The following HS3ST5 variants were observed in gnomAD, a reference collection of about 807,000 sequenced individuals.
HS3ST5 encodes heparan sulfate-glucosamine 3-sulfotransferase 5.
HS3ST5 carries 10 observed loss-of-function variants against 25.4 expected under a neutral mutation model. The observed-to-expected ratio is 0.39, with a 90% CI of 0.24 to 0.67. The LOEUF is 0.67. Ranked by LOEUF, HS3ST5 falls within the 30% of genes least tolerant of loss-of-function variation. The probability of loss-of-function intolerance (pLI) is 0.44; values close to 1 mark genes in which losing one functional copy is unlikely to be tolerated. For missense variants in HS3ST5, 324 were observed against 420.7 expected, an observed-to-expected ratio of 0.77 and a Z score of 2.01; for synonymous variants, 170 against 162.4, an observed-to-expected ratio of 1.05 and a Z score of -0.36.
At chr6:114,214,783 G>A (rs183612899) in intron 2 of HS3ST5, among the ~76,000 whole-genome samples, 1 of 152,234 alleles carries the variant, frequency 6.6e-6, no homozygotes, top group African/African-American at 2.4e-5. Context: ...AATCACTGAT[G>A]CTTCCAACTC....
At chr6:114,254,983 A>T (rs529325987) in intron 1 of HS3ST5, among the ~76,000 whole-genome samples, 15 of 152,322 alleles carry the variant, frequency 9.8e-5, no homozygotes, top group African/African-American at 3.6e-4. Flanking sequence ...ATGCCTTCCC[A>T]ACAGTCCCCC....
At chr6:114,299,578 A>G (rs1441834342) in intron 1 of HS3ST5, among the ~76,000 whole-genome samples, 2 of 152,072 alleles carry the variant, frequency 1.3e-5, no homozygotes, top group African/African-American at 4.8e-5. Context: ...CAGCTTCGAA[A>G]TTTCTCTCTT....
intron 3 of HS3ST5, among the ~76,000 whole-genome samples, chr6:114,166,093 C>T (rs940754363): frequency 6.6e-6 from 1 of 152,006 alleles, no homozygotes; most frequent in African/African-American, 2.4e-5. Context: ...CAAAACTGCT[C>T]ATCCTTCTAA....
chr6:114,246,775 T>A (rs1442666674), intron 1 of HS3ST5, among the ~76,000 whole-genome samples: 1 of 152,220 alleles, frequency 6.6e-6, no homozygotes, highest in Non-Finnish European at 1.5e-5. Context: ...CAACTTGTAG[T>A]CACCGAAAAG....
At chr6:114,060,052 TG>T (rs1245482021) in intron 4 of HS3ST5, among the ~76,000 whole-genome samples, 3 of 152,246 alleles carry the variant, frequency 2.0e-5, no homozygotes, top group Non-Finnish European at 4.4e-5. Flanking sequence ...CTTGGTCTGT[TG>T]CCTAGGCTGC....
intron 2 of HS3ST5, among the ~76,000 whole-genome samples, chr6:114,194,727 C>T (rs1447650181): frequency 1.3e-5 from 2 of 152,190 alleles, no homozygotes; most frequent in East Asian, 3.9e-4. Context: ...AATTTTAGAA[C>T]ATGGGTCCCA....
chr6:114,279,768 T>C (rs187408537), intron 1 of HS3ST5, among the ~76,000 whole-genome samples: 170 of 152,106 alleles, frequency 1.1e-3, no homozygotes, highest in Middle Eastern at 6.8e-3. Flanking sequence ...GAGGAAGGGC[T>C]ACCTTCCAGA....
chr6:114,170,566 C>T (rs771892274), intron 2 of HS3ST5, among the ~76,000 whole-genome samples: 1 of 152,172 alleles, frequency 6.6e-6, no homozygotes, highest in Non-Finnish European at 1.5e-5. Context: ...ATAGTAAATA[C>T]TGTTTCGGAT....
At chr6:114,287,080 A>C (rs1774371852) in intron 1 of HS3ST5, among the ~76,000 whole-genome samples, 1 of 152,022 alleles carries the variant, frequency 6.6e-6, no homozygotes, top group Admixed American at 6.6e-5. Flanking sequence ...TGAATAACAT[A>C]ACCTTTATTC....
At chr6:114,340,083 G>C (rs1429833268) in intron 1 of HS3ST5, among the ~76,000 whole-genome samples, 1 of 152,118 alleles carries the variant, frequency 6.6e-6, no homozygotes, top group Admixed American at 6.5e-5. Context: ...TGAGTAAGAA[G>C]GTTATTCATT....
intron 3 of HS3ST5, among the ~76,000 whole-genome samples, chr6:114,133,062 C>T (rs943757618): frequency 4.6e-5 from 7 of 152,166 alleles, no homozygotes; most frequent in Admixed American, 4.6e-4. Context: ...TCATCCTCCT[C>T]TTACCCCCTA....
chr6:114,335,307 CA>C (rs60574979), intron 1 of HS3ST5, among the ~76,000 whole-genome samples: 13,655 of 128,316 alleles, frequency 0.11, 1,601 homozygotes, highest in African/African-American at 0.31. Flanking sequence ...AAATGAGTGG[CA>C]AAAAAAAAAA....
intron 3 of HS3ST5, among the ~76,000 whole-genome samples, chr6:114,157,098 C>A (rs892800004): frequency 6.6e-6 from 1 of 152,158 alleles, no homozygotes; most frequent in Non-Finnish European, 1.5e-5. Context: ...ACCTTCTCTT[C>A]CTTCTGCATC....
intron 2 of HS3ST5, among the ~76,000 whole-genome samples, chr6:114,202,247 C>G (rs567224713): frequency 1.3e-5 from 2 of 152,146 alleles, no homozygotes; most frequent in African/African-American, 4.8e-5. Flanking sequence ...CAGCCAAGAC[C>G]TCGTCTCTAT....
intron 1 of HS3ST5, among the ~76,000 whole-genome samples, chr6:114,277,497 C>T (rs929911031): frequency 2.0e-5 from 3 of 149,044 alleles, no homozygotes; most frequent in African/African-American, 7.3e-5. Context: ...AGAAGTTATA[C>T]AGACAGTAAC....
At chr6:114,085,792 T>G (rs1026684607) in intron 3 of HS3ST5, among the ~76,000 whole-genome samples, 1 of 152,204 alleles carries the variant, frequency 6.6e-6, no homozygotes, top group Non-Finnish European at 1.5e-5. Context: ...TAGACATATA[T>G]TTTAAATATT....
intron 3 of HS3ST5, among the ~76,000 whole-genome samples, chr6:114,121,069 A>G (rs1401205777): frequency 1.3e-5 from 2 of 152,250 alleles, no homozygotes; most frequent in Non-Finnish European, 2.9e-5. Context: ...CCAAATATTA[A>G]TGTACATTTG....
At chr6:114,321,695 G>T (rs530025051) in intron 1 of HS3ST5, among the ~76,000 whole-genome samples, 1 of 152,116 alleles carries the variant, frequency 6.6e-6, no homozygotes, top group Non-Finnish European at 1.5e-5. Context: ...CTACTTCAAA[G>T]TATTAGATTT....
chr6:114,298,502 A>G (rs1034522488), intron 1 of HS3ST5, among the ~76,000 whole-genome samples: 7 of 152,174 alleles, frequency 4.6e-5, no homozygotes, highest in Non-Finnish European at 1.0e-4. Flanking sequence ...CATTATTCCA[A>G]TGTCATAGAT....
Sources: allele counts gnomAD v4.1 joint callset (sites outside exome capture counted in the v4.1 genomes callset), GRCh38; gene constraint gnomAD v4.1.1; transcripts MANE v1.5; gene names NCBI Gene and HGNC (gene_info 2026-07-23, HGNC 2026-07-21).